Variants in SYT1 observed in about 807,000 individuals in gnomAD.
SYT1 encodes the protein synaptotagmin-1.
In SYT1, 8 loss-of-function variants were observed where a neutral mutation model predicts 44.8. That is an observed-to-expected ratio of 0.18 (90% CI 0.10 to 0.32). The LOEUF (loss-of-function observed/expected upper bound fraction) is 0.32, where lower values mean the gene tolerates loss of function less well. SYT1 is among the 10% of genes least tolerant of loss of function. The pLI is 1.00. For missense variants in SYT1, 286 were observed against 509.3 expected, an observed-to-expected ratio of 0.56 and a Z score of 4.22; for synonymous variants, 154 against 188.8, an observed-to-expected ratio of 0.82 and a Z score of 1.51.
At chr12:79,346,297 T>G (rs560940569) in intron 8 of SYT1, among the ~76,000 whole-genome samples, 14 of 152,230 alleles carry the variant, frequency 9.2e-5, no homozygotes, top group Non-Finnish European at 1.8e-4. Flanking sequence ...ATCATTAATT[T>G]GTGTCTATTC....
intron 9 of SYT1, among the ~76,000 whole-genome samples, chr12:79,369,475 A>C (rs1883694496): frequency 6.6e-6 from 1 of 152,200 alleles, no homozygotes. Context: ...TGCCTCAAAA[A>C]GAAAAGAAAA....
intron 3 of SYT1, among the ~76,000 whole-genome samples, chr12:79,154,395 GT>G (rs1181423558): frequency 3.3e-5 from 5 of 151,072 alleles, no homozygotes; most frequent in East Asian, 1.9e-4. Context: ...ACATAGGTAC[GT>G]TTTTTTCTCC....
intron 1 of SYT1, among the ~76,000 whole-genome samples, chr12:78,961,047 C>T (rs970643669): frequency 6.7e-6 from 1 of 148,682 alleles, no homozygotes; most frequent in Admixed American, 6.6e-5. Context: ...ACTCAAAATG[C>T]CCATTGAGTA....
intron 4 of SYT1, among the ~76,000 whole-genome samples, chr12:79,218,015 A>G (rs1444503500): frequency 6.6e-6 from 1 of 152,106 alleles, no homozygotes; most frequent in South Asian, 2.1e-4. Flanking sequence ...TTGGATTTGC[A>G]TTTATGAAAT....
chr12:79,072,085 A>G (rs1477301936), intron 3 of SYT1, among the ~76,000 whole-genome samples: 1 of 152,194 alleles, frequency 6.6e-6, no homozygotes, highest in Non-Finnish European at 1.5e-5. Context: ...GCATATATAT[A>G]CACAGCTGTC....
At chr12:79,363,916 G>A (rs1376927221) in intron 9 of SYT1, among the ~76,000 whole-genome samples, 1 of 152,094 alleles carries the variant, frequency 6.6e-6, no homozygotes, top group Non-Finnish European at 1.5e-5. Flanking sequence ...CAGGGATTGT[G>A]TCTACTTATG....
At chr12:78,897,097 C>T (rs910305573) in intron 1 of SYT1, among the ~76,000 whole-genome samples, 1 of 151,798 alleles carries the variant, frequency 6.6e-6, no homozygotes, top group African/African-American at 2.4e-5. Flanking sequence ...AACTTTTCTT[C>T]TATTTCATAC....
At chr12:79,171,486 T>G (rs928869807) in intron 3 of SYT1, among the ~76,000 whole-genome samples, 1 of 151,998 alleles carries the variant, frequency 6.6e-6, no homozygotes, top group African/African-American at 2.4e-5. Flanking sequence ...AGATGATTCT[T>G]GCTCCTACTA....
At chr12:79,355,430 TC>T (rs1215238308) in intron 9 of SYT1, among the ~76,000 whole-genome samples, 2 of 152,316 alleles carry the variant, frequency 1.3e-5, no homozygotes, top group East Asian at 3.9e-4. Context: ...AGCTTCAGGA[TC>T]CTCACAACCT....
intron 3 of SYT1, among the ~76,000 whole-genome samples, chr12:79,141,943 C>A (rs578245951): frequency 2.0e-5 from 3 of 152,260 alleles, no homozygotes; most frequent in South Asian, 4.2e-4. Context: ...GCATCAGAAC[C>A]CTGTTTAACT....
At chr12:79,170,122 A>C (rs547933444) in intron 3 of SYT1, among the ~76,000 whole-genome samples, 5 of 152,050 alleles carry the variant, frequency 3.3e-5, no homozygotes, top group Admixed American at 2.0e-4. Flanking sequence ...GGTTGATTCC[A>C]TATCTTTGCT....
intron 8 of SYT1, among the ~76,000 whole-genome samples, chr12:79,303,588 A>G (rs759385387): frequency 6.6e-6 from 1 of 152,126 alleles, no homozygotes. Context: ...TTGATTGCAG[A>G]ATTAAAACAA....
intron 4 of SYT1, among the ~76,000 whole-genome samples, chr12:79,231,854 G>A (rs1042569514): frequency 7.9e-5 from 12 of 152,132 alleles, no homozygotes; most frequent in African/African-American, 1.7e-4. Flanking sequence ...TAGCCCAAAA[G>A]TGGTAGCAAT....
At chr12:79,166,554 A>G (rs1190409949) in intron 3 of SYT1, among the ~76,000 whole-genome samples, 1 of 151,936 alleles carries the variant, frequency 6.6e-6, no homozygotes. Context: ...TTAGACCAAA[A>G]TTTTATTTAA....
At position 79,203,392 on chromosome 12, in the gene SYT1, C is replaced by T. The variant is rs1873912209; in HGVS notation, c.-17-14111C>T. Among the ~76,000 whole-genome samples the T allele has an allele frequency of 1.3e-5, 2 of 152,148 alleles. 1 individual carries two copies. The highest frequency in any genetic ancestry group is 4.8e-5 in the African/African-American group (2 of 41,432). ...CCAGGTACCACAGGCAAACACATCA[C>T]CACCCAGCAAAGGAGATACTGCTTC... On this transcript the variant is annotated intron_variant, in intron 3 of 10. Coordinates refer to ENST00000261205, the MANE Select transcript of SYT1 (RefSeq NM_005639.3).
At chr12:79,052,558 A>T (rs1261283483) in intron 3 of SYT1, among the ~76,000 whole-genome samples, 2 of 152,208 alleles carry the variant, frequency 1.3e-5, no homozygotes, top group African/African-American at 4.8e-5. Flanking sequence ...CTACCATCAG[A>T]GTGAATAGGC....
chr12:79,448,763 C>A (rs886220009), intron 10 of SYT1, among the ~76,000 whole-genome samples, 155 bp from the exon 11 acceptor site: 1 of 152,182 alleles, frequency 6.6e-6, no homozygotes, highest in African/African-American at 2.4e-5. Flanking sequence ...TAAAAATTAA[C>A]GTTTGAGTAT....
Position 78,898,432 on chromosome 12 carries a change from G to C in SYT1, c.-217+33323G>C, listed in dbSNP as rs114303946. 3.5e-3 allele frequency among the ~76,000 whole-genome samples: 532 copies of C among 152,092 alleles called. 2 individuals are homozygous for C. Among genetic ancestry groups the C allele is most frequent in the African/African-American group, 0.012 (504 of 41,512 alleles). On this transcript the variant is annotated intron_variant, in intron 1 of 10. Coordinates refer to ENST00000261205, the MANE Select transcript of SYT1 (RefSeq NM_005639.3). ...CTTTCCTTTTGGTTATTTTATCATTGTGTCAAAGAATTACAAACAACATAA... is the reference window on the plus strand; with the variant it reads ...CTTTCCTTTTGGTTATTTTATCATTCTGTCAAAGAATTACAAACAACATAA...
intron 3 of SYT1, among the ~76,000 whole-genome samples, chr12:79,072,265 T>C (rs1257634976): frequency 6.6e-6 from 1 of 152,152 alleles, no homozygotes; most frequent in Non-Finnish European, 1.5e-5. Context: ...GTGTAACCTC[T>C]CTCTTTCGTA....
Sources: allele counts gnomAD v4.1 joint callset (sites outside exome capture counted in the v4.1 genomes callset), GRCh38; gene constraint gnomAD v4.1.1; transcripts MANE v1.5; gene names NCBI Gene and HGNC (gene_info 2026-07-23, HGNC 2026-07-21).